The following FRMD4B variants were observed in gnomAD, a reference collection of about 807,000 sequenced individuals.
FRMD4B encodes FERM domain containing 4B.
Under a neutral mutation model 141.5 loss-of-function variants are expected in FRMD4B, and 74 were observed. The observed-to-expected ratio is 0.52, with a 90% confidence interval of 0.43 to 0.63. The LOEUF is 0.63. Ranked by LOEUF, FRMD4B falls within the 30% of genes least tolerant of loss-of-function variation. FRMD4B has a pLI of 0.00. For missense variants in FRMD4B, 1,366 were observed against 1,253.4 expected (o/e 1.09, Z -1.36); for synonymous variants, 506 against 467.9 (o/e 1.08, Z -1.05).
chr3:69,200,333 G>T, intron 11 of FRMD4B: 6 of 740,240 alleles, frequency 8.1e-6, no homozygotes, highest in Non-Finnish European at 8.3e-6. Context: ...ACTCACTCAG[G>T]TTCACAGAAG....
At chr3:69,199,214 G>C (rs2092942347) in intron 11 of FRMD4B, 1 of 161,938 alleles carries the variant, frequency 6.2e-6, no homozygotes, top group Non-Finnish European at 1.4e-5. Flanking sequence ...GGAGGTTGCA[G>C]TGAGCCCAGA....
intron 13 of FRMD4B, 146 bp from the exon 14 acceptor site, chr3:69,196,542 A>ACAAAG (rs1179849270): frequency 4.8e-6 from 3 of 630,044 alleles, no homozygotes; most frequent in Non-Finnish European, 8.2e-6. Context: ...AGACCAAAAA[A>ACAAAG]CAAAACAAAA....
intron 7 of FRMD4B, among the ~76,000 whole-genome samples, chr3:69,243,234 G>T (rs2093399798): frequency 6.6e-6 from 1 of 152,248 alleles, no homozygotes; most frequent in Non-Finnish European, 1.5e-5. Context: ...AGAGAGCAGG[G>T]TTTCCTACTG....
chr3:69,431,614 A>G (rs1284977535), intron 2 of FRMD4B, among the ~76,000 whole-genome samples: 2 of 152,140 alleles, frequency 1.3e-5, no homozygotes, highest in Non-Finnish European at 2.9e-5. Flanking sequence ...GAGCAACTCT[A>G]TAAGGTAGGT....
At chr3:69,351,962 T>C (rs1308782014) in intron 1 of FRMD4B, among the ~76,000 whole-genome samples, 1 of 152,216 alleles carries the variant, frequency 6.6e-6, no homozygotes, top group Non-Finnish European at 1.5e-5. Flanking sequence ...TTACTGGGAA[T>C]TCTCTCCATG....
At chr3:69,287,279 T>C (rs562229684) in intron 5 of FRMD4B, among the ~76,000 whole-genome samples, 1 of 152,358 alleles carries the variant, frequency 6.6e-6, no homozygotes, top group African/African-American at 2.4e-5. Flanking sequence ...AGATACTGCT[T>C]GAAAATATGT....
chr3:69,459,680 T>C (rs887762791), intron 1 of FRMD4B, among the ~76,000 whole-genome samples: 3 of 152,212 alleles, frequency 2.0e-5, no homozygotes, highest in Non-Finnish European at 2.9e-5. Flanking sequence ...CTGCCTCGGT[T>C]TTCCCATCTG....
At chr3:69,481,911 A>T (rs1169077964) in intron 1 of FRMD4B, among the ~76,000 whole-genome samples, 7 of 152,222 alleles carry the variant, frequency 4.6e-5, no homozygotes, top group Admixed American at 1.3e-4. Context: ...TAACAGAGCC[A>T]TTCTCAAAAG....
At chr3:69,215,912 G>A (rs991589418) in intron 11 of FRMD4B, among the ~76,000 whole-genome samples, 2 of 150,992 alleles carry the variant, frequency 1.3e-5, no homozygotes, top group African/African-American at 4.9e-5. Context: ...CCAGCATTTC[G>A]GGAGGCCAAG....
intron 2 of FRMD4B, among the ~76,000 whole-genome samples, chr3:69,420,459 G>A (rs1192652033): frequency 6.6e-6 from 1 of 152,238 alleles, no homozygotes; most frequent in East Asian, 1.9e-4. Flanking sequence ...GGCTCAGGAG[G>A]TTAAGTGATT....
intron 2 of FRMD4B, among the ~76,000 whole-genome samples, chr3:69,420,829 G>A (rs1373983472): frequency 3.3e-5 from 5 of 152,196 alleles, no homozygotes; most frequent in Non-Finnish European, 5.9e-5. Flanking sequence ...AAGAAAGGTG[G>A]ATCCAAAAGA....
intron 9 of FRMD4B, among the ~76,000 whole-genome samples, chr3:69,219,699 T>A (rs191702661): frequency 1.2e-4 from 19 of 152,248 alleles, no homozygotes; most frequent in Admixed American, 5.9e-4. Context: ...CATAGTGATT[T>A]GCTGTACCTA....
chr3:69,522,763 C>T (rs1219155836), intron 1 of FRMD4B, among the ~76,000 whole-genome samples: 1 of 152,130 alleles, frequency 6.6e-6, no homozygotes. Flanking sequence ...CAGCCAACAC[C>T]TCCCATGACA....
chr3:69,215,284 C>CTTTTTGTTTTTTTTTTTT (rs2093128966), intron 11 of FRMD4B, among the ~76,000 whole-genome samples: 1 of 45,208 alleles, frequency 2.2e-5, no homozygotes, highest in Admixed American at 4.4e-4. Context: ...TTGTGACCCT[C>CTTTTTGTTTTTTTTTTTT]TTTTTTTTTT....
chr3:69,447,301 T>C (rs958915997), intron 1 of FRMD4B, among the ~76,000 whole-genome samples: 5 of 152,182 alleles, frequency 3.3e-5, no homozygotes, highest in African/African-American at 1.2e-4. Flanking sequence ...TATGTGAAGA[T>C]GAGACTCAAG....
chr3:69,340,316 C>T (rs1446883894), intron 1 of FRMD4B, among the ~76,000 whole-genome samples: 1 of 152,088 alleles, frequency 6.6e-6, no homozygotes, highest in Non-Finnish European at 1.5e-5. Flanking sequence ...TACTCTCCCT[C>T]CTCCCACCCT....
intron 11 of FRMD4B, among the ~76,000 whole-genome samples, chr3:69,211,118 T>C (rs1396408026): frequency 6.6e-6 from 1 of 151,440 alleles, no homozygotes; most frequent in Non-Finnish European, 1.5e-5. Flanking sequence ...CTCTAACCAG[T>C]GATCCAAGAA....
intron 7 of FRMD4B, among the ~76,000 whole-genome samples, chr3:69,225,222 A>C (rs369051488): frequency 2.6e-5 from 4 of 152,216 alleles, no homozygotes; most frequent in Admixed American, 6.5e-5. Context: ...TCTTGAATAG[A>C]AGATGACTGG....
At chr3:69,505,784 G>A (rs891686297) in intron 1 of FRMD4B, among the ~76,000 whole-genome samples, 5 of 152,172 alleles carry the variant, frequency 3.3e-5, no homozygotes, top group African/African-American at 1.2e-4. Flanking sequence ...ATCCAACATA[G>A]CTGTTAAACT....
Sources: gnomAD v4.1 joint callset for allele counts (sites outside exome capture counted in the v4.1 genomes callset) on GRCh38, gnomAD v4.1.1 for gene constraint, MANE v1.5 for transcripts, NCBI Gene and HGNC (gene_info 2026-07-23, HGNC 2026-07-21) for gene names.